Variants in PPP2R5E observed in about 807,000 individuals in gnomAD.
The protein encoded by PPP2R5E is protein phosphatase 2 regulatory subunit B'epsilon, also known as serine/threonine-protein phosphatase 2A 56 kDa regulatory subunit epsilon isoform.
A neutral mutation model predicts 65.3 loss-of-function variants in PPP2R5E; 4 were observed. That is an observed-to-expected ratio of 0.06 (90% CI 0.03 to 0.14). The LOEUF is 0.14. PPP2R5E is among the 10% of genes least tolerant of loss of function. PPP2R5E has a pLI of 1.00. For missense variants in PPP2R5E, 274 were observed against 556.1 expected (o/e 0.49, Z 5.10); for synonymous variants, 183 against 187.4 (o/e 0.98, Z 0.19).
At chr14:63,413,650 C>T (rs1030653734) in intron 5 of PPP2R5E, among the ~76,000 whole-genome samples, 2 of 152,192 alleles carry the variant, frequency 1.3e-5, no homozygotes, top group Non-Finnish European at 2.9e-5. Context: ...TTAGACAGCA[C>T]TATATACATG....
chr14:63,507,527 TAA>T (rs33982361), intron 2 of PPP2R5E, among the ~76,000 whole-genome samples: 2 of 121,578 alleles, frequency 1.6e-5, no homozygotes, highest in African/African-American at 3.0e-5. Context: ...ATTTTTAAAG[TAA>T]AAAAAAAAAA....
At chr14:63,391,004 A>G (rs1884986352) in intron 10 of PPP2R5E, among the ~76,000 whole-genome samples, 1 of 152,234 alleles carries the variant, frequency 6.6e-6, no homozygotes, top group Non-Finnish European at 1.5e-5. Context: ...GGCTGAAACT[A>G]AAGGTCTGTT....
rs557299883 is a variant in PPP2R5E at position 63,423,102 on chromosome 14, TTTG to T, written c.355-1011_355-1009del. On this transcript the variant is annotated intron_variant, in intron 3 of 13. Coordinates refer to ENST00000337537, the MANE Select transcript of PPP2R5E (RefSeq NM_006246.5). ...TTCTGTATATGTTACAATATTTCCT[TTTG>T]TTTTTTTGAGACGGAGTCTCGCTCT... is the stretch of plus-strand genomic sequence containing the variant. Among the ~76,000 whole-genome samples, 29 of 152,310 alleles carry T rather than the reference TTTG, an allele frequency of 1.9e-4. No homozygotes were observed. In the South Asian group the frequency reaches 5.6e-3, roughly 29 times the overall value.
intron 10 of PPP2R5E, among the ~76,000 whole-genome samples, chr14:63,390,055 C>T (rs535766320): frequency 6.6e-6 from 1 of 152,074 alleles, no homozygotes; most frequent in South Asian, 2.1e-4. Context: ...TATTAGTAAT[C>T]CAGCTCTCTT....
At chr14:63,427,177 A>G (rs1284882557) in intron 3 of PPP2R5E, among the ~76,000 whole-genome samples, 1 of 152,194 alleles carries the variant, frequency 6.6e-6, no homozygotes, top group Non-Finnish European at 1.5e-5. Context: ...ACCATGCAAC[A>G]GTTTTGTGAA....
intron 2 of PPP2R5E, among the ~76,000 whole-genome samples, chr14:63,454,900 C>T (rs886674969): frequency 3.3e-5 from 5 of 152,214 alleles, no homozygotes; most frequent in African/African-American, 1.2e-4. Context: ...TGGCATTATT[C>T]TTCTCCATTT....
intron 2 of PPP2R5E, among the ~76,000 whole-genome samples, chr14:63,535,317 G>A (rs1302446654): frequency 6.6e-6 from 1 of 151,904 alleles, no homozygotes; most frequent in Admixed American, 6.6e-5. Context: ...AGCTACTCAG[G>A]AGCCTGAGGC....
intron 3 of PPP2R5E, among the ~76,000 whole-genome samples, chr14:63,427,615 T>C (rs1887411297): frequency 6.6e-6 from 1 of 151,628 alleles, no homozygotes; most frequent in African/African-American, 2.4e-5. Context: ...CCCCCATCTC[T>C]CTATTAAAAA....
At chr14:63,481,147 T>C (rs1484023845) in intron 2 of PPP2R5E, among the ~76,000 whole-genome samples, 2 of 152,238 alleles carry the variant, frequency 1.3e-5, no homozygotes, top group East Asian at 3.9e-4. Flanking sequence ...CATTCCTATC[T>C]CTTATTTATA....
chr14:63,486,574 T>C (rs963470500), intron 2 of PPP2R5E, among the ~76,000 whole-genome samples: 8 of 152,040 alleles, frequency 5.3e-5, no homozygotes, highest in Admixed American at 2.6e-4. Flanking sequence ...AATACCATCA[T>C]TTGGGTTATA....
chr14:63,518,983 C>A (rs561754109), intron 2 of PPP2R5E, among the ~76,000 whole-genome samples: 1 of 152,144 alleles, frequency 6.6e-6, no homozygotes, highest in Non-Finnish European at 1.5e-5. Context: ...CTTTGGGAGG[C>A]CAAGACAGGC....
At chr14:63,418,841 CTTTTTTTTTT>C (rs772740856) in intron 4 of PPP2R5E, among the ~76,000 whole-genome samples, 7 of 105,090 alleles carry the variant, frequency 6.7e-5, no homozygotes, top group Non-Finnish European at 9.5e-5. Flanking sequence ...AATTTTTTTA[CTTTTTTTTTT>C]TTTTTTTTTT....
At chr14:63,447,721 T>C (rs1888563348) in intron 3 of PPP2R5E, among the ~76,000 whole-genome samples, 1 of 152,240 alleles carries the variant, frequency 6.6e-6, no homozygotes, top group South Asian at 2.1e-4. Context: ...TTTTGGTCTG[T>C]TTCAGCTTTT....
At chr14:63,515,949 A>G (rs1254356454) in intron 2 of PPP2R5E, among the ~76,000 whole-genome samples, 2 of 144,952 alleles carry the variant, frequency 1.4e-5, no homozygotes, top group African/African-American at 5.2e-5. Flanking sequence ...TCCTAGGTTC[A>G]CGCCATCCTC....
chr14:63,379,496 T>A (rs376514197), intron 13 of PPP2R5E, among the ~76,000 whole-genome samples: 1 of 152,284 alleles, frequency 6.6e-6, no homozygotes. Flanking sequence ...GGTCGCAAAT[T>A]CCCAACCTCA....
intron 2 of PPP2R5E, among the ~76,000 whole-genome samples, chr14:63,460,122 G>A (rs2139505024): frequency 6.6e-6 from 1 of 152,280 alleles, no homozygotes; most frequent in Middle Eastern, 3.4e-3. Context: ...GAAATTTCCA[G>A]GTAAAAAGAA....
At chr14:63,398,738 C>T (rs1043983236) in intron 5 of PPP2R5E, among the ~76,000 whole-genome samples, 3 of 152,012 alleles carry the variant, frequency 2.0e-5, no homozygotes, top group Non-Finnish European at 2.9e-5. Context: ...TGCAGTGAGC[C>T]GAGATCGCGC....
chr14:63,472,846 T>C (rs1323135167), intron 2 of PPP2R5E, among the ~76,000 whole-genome samples: 4 of 152,182 alleles, frequency 2.6e-5, no homozygotes, highest in African/African-American at 9.7e-5. Context: ...AACTGCAGGG[T>C]AACCTGGGTT....
chr14:63,439,693 T>G lies in PPP2R5E; in HGVS notation c.354+13996A>C, dbSNP rs529688368. 7.2e-5 allele frequency among the ~76,000 whole-genome samples: 11 copies of G among 152,296 alleles called. No individual in the cohort carries two copies. In the East Asian group the frequency reaches 9.7e-4, roughly 13 times the overall value. On this transcript the variant is annotated intron_variant, in intron 3 of 13. Coordinates refer to ENST00000337537, the MANE Select transcript of PPP2R5E (RefSeq NM_006246.5). ...CCAGCCGGGTTCTGGTCTGTTTGTC[T>G]ATGCCACTGACCCAGGAAGGACAGT...
Sources: gnomAD v4.1 joint callset for allele counts (sites outside exome capture counted in the v4.1 genomes callset) on GRCh38, gnomAD v4.1.1 for gene constraint, MANE v1.5 for transcripts, NCBI Gene and HGNC (gene_info 2026-07-23, HGNC 2026-07-21) for gene names.